The following OIT3 variants were observed in gnomAD, a reference collection of about 807,000 sequenced individuals.
The protein encoded by OIT3 is oncoprotein-induced transcript 3 protein.
OIT3 carries 41 observed loss-of-function variants against 52.2 expected under a neutral mutation model. The ratio of observed to expected loss-of-function variants is 0.79; its 90% CI spans 0.61 to 1.02. The LOEUF is 1.02. OIT3 is among the 50% of genes least tolerant of loss of function. The pLI, the probability that OIT3 is intolerant of heterozygous loss-of-function variation, is 0.00. For missense variants in OIT3, 634 were observed against 715.5 expected (o/e 0.89, Z 1.30); for synonymous variants, 244 against 276.9 (o/e 0.88, Z 1.18).
Position 72,911,947 on chromosome 10 carries a change from A to C in OIT3, c.790+108A>C, listed in dbSNP as rs1051864812. ...TGTGTCAGGGTTCTCATCTTTTAGA[A>C]CAATGGCTCTTCGAGCAGTGTGTAT... On this transcript the variant is annotated intron_variant, in intron 5 of 8. Coordinates refer to ENST00000334011, the MANE Select transcript of OIT3 (RefSeq NM_152635.3). 5.0e-5 allele frequency: 47 copies of C among 942,474 alleles called. No individual in the cohort carries two copies. In the East Asian group the frequency reaches 1.2e-3, roughly 24 times the overall value. 58.4% of individuals were successfully genotyped at this position (942,474 alleles called of 1,614,324 possible). A position where few individuals can be genotyped will look rare whatever the true frequency, so the allele number is the denominator to read the frequency against.
At chr10:72,917,869 A>T in intron 6 of OIT3, 1 of 1,296,294 alleles carries the variant, frequency 7.7e-7, no homozygotes, top group Non-Finnish European at 1.1e-6. Context: ...CTTGGTGTTG[A>T]TGATGGTTTT....
At chr10:72,927,967 AT>A (rs376143705) in intron 7 of OIT3, among the ~76,000 whole-genome samples, 18 of 152,226 alleles carry the variant, frequency 1.2e-4, no homozygotes, top group African/African-American at 3.9e-4. Context: ...GTCATTAAAT[AT>A]TTGCCAAGTA....
At chr10:72,911,687 T>C (rs769514370) in intron 4 of OIT3, 30 bp from the exon 5 acceptor site, 1 of 1,607,080 alleles carries the variant, frequency 6.2e-7, no homozygotes, top group Admixed American at 1.7e-5. Flanking sequence ...GTTACGAGAT[T>C]ATTCCCTTTT....
intron 6 of OIT3, chr10:72,918,038 A>G: frequency 1.2e-6 from 1 of 838,898 alleles, no homozygotes; most frequent in African/African-American, 1.7e-5. Context: ...CATCATCATC[A>G]TCATCATCAT....
In OIT3 at chr10:72,930,575, C is replaced by A. The variant is rs774140373; in HGVS notation, c.1405C>A (p.Arg469=). 1 of 1,613,776 alleles carries A rather than the reference C, an allele frequency of 6.2e-7. No homozygotes were observed. Residue 469 remains arginine (R), a synonymous_variant, in exon 8 of 9, where the codon CGG becomes AGG. Transcript: ENST00000334011. ...TGACTCGGTAAAGCAGTACACATCC[C>A]GGGATCACCTAGCAAAGCACTTCCA... ...SDDSVKQYTS[R]DHLAKHFQVP...
chr10:72,920,671 T>C (rs913272988), intron 6 of OIT3, among the ~76,000 whole-genome samples: 1 of 152,194 alleles, frequency 6.6e-6, no homozygotes, highest in Non-Finnish European at 1.5e-5. Context: ...TGTTTTCTGC[T>C]TAATTTCATT....
At chr10:72,916,579 G>A (rs1194284397) in intron 6 of OIT3, among the ~76,000 whole-genome samples, 1 of 152,160 alleles carries the variant, frequency 6.6e-6, no homozygotes, top group East Asian at 1.9e-4. Context: ...TATCATTGAT[G>A]GCATTTAGGT....
chr10:72,898,881 C>T lies in OIT3; in HGVS notation c.279C>T (p.Pro93=). 6.2e-7 allele frequency: 1 copy of T among 1,614,196 alleles called. No individual in the cohort carries two copies. Residue 93 remains proline, a synonymous_variant, in exon 2 of 9, where the codon CCC becomes CCT. Transcript: ENST00000334011. The stretch of plus-strand genomic sequence containing the variant: ...CTGTCTGGCTCAATGGCAGCCACCC[C>T]CTAGAAGGCGACGGCATTGTGCAAC... ...HAPVWLNGSH[P]LEGDGIVQRQ...
intron 7 of OIT3, among the ~76,000 whole-genome samples, chr10:72,930,262 C>CCAA (rs1391775833): frequency 6.6e-6 from 1 of 152,196 alleles, no homozygotes; most frequent in Non-Finnish European, 1.5e-5. Context: ...GTTGCTGTTG[C>CCAA]CAACACTTAA....
At chr10:72,904,592 T>G (rs1168212651) in intron 3 of OIT3, among the ~76,000 whole-genome samples, 1 of 152,234 alleles carries the variant, frequency 6.6e-6, no homozygotes, top group Non-Finnish European at 1.5e-5. Context: ...GCCTTGTCTT[T>G]TTACACACTT....
chr10:72,930,575 C>T lies in OIT3; in HGVS notation c.1405C>T (p.Arg469Trp), dbSNP rs774140373. ...SDDSVKQYTS[R>W]DHLAKHFQVP... Reference sequence around the variant, plus strand: ...TGACTCGGTAAAGCAGTACACATCCCGGGATCACCTAGCAAAGCACTTCCA... The same window carrying T: ...TGACTCGGTAAAGCAGTACACATCCTGGGATCACCTAGCAAAGCACTTCCA... Residue 469 changes from arginine (R) to tryptophan (W), a missense_variant, in exon 8 of 9, where the codon CGG (arginine) becomes TGG (tryptophan). Arg to Trp is a moderately radical substitution (Grantham distance 101, BLOSUM62 -3). Coordinates refer to ENST00000334011, the MANE Select transcript of OIT3 (RefSeq NM_152635.3). 10 of 1,613,776 alleles carry T rather than the reference C, an allele frequency of 6.2e-6. No individual in the cohort carries two copies. The highest frequency in any genetic ancestry group is 3.3e-5 in the Admixed American group (2 of 59,988).
At chr10:72,910,306 AT>A (rs1365978861) in intron 4 of OIT3, among the ~76,000 whole-genome samples, 3 of 152,196 alleles carry the variant, frequency 2.0e-5, no homozygotes, top group African/African-American at 7.2e-5. Flanking sequence ...AGTATTATAT[AT>A]AATCTTCAGC....
At position 72,924,581 on chromosome 10, in the gene OIT3, G is replaced by T; in HGVS notation, c.1304G>T (p.Ser435Ile). The T allele has an allele frequency of 1.9e-6, 3 of 1,614,060 alleles. No homozygotes were observed. Among genetic ancestry groups the T allele is most frequent in the Non-Finnish European group, 2.5e-6 (3 of 1,179,976 alleles). ...AGCGGCTTGGAAAGCTTGGTGGAGA[G>T]CTGCTTTGCCACCCCCACCTCCAAG... ...HVSGLESLVE[S>I]CFATPTSKID... The change falls in exon 7 of 9, where the codon AGC (serine) becomes ATC (isoleucine). Residue 435 changes from serine (S) to isoleucine (I), a missense_variant. Physicochemically the swap from Ser to Ile is moderately radical, Grantham distance 142. Transcript: ENST00000334011.
intron 7 of OIT3, among the ~76,000 whole-genome samples, chr10:72,927,512 G>A (rs1334633380): frequency 6.6e-6 from 1 of 152,134 alleles, no homozygotes; most frequent in African/African-American, 2.4e-5. Context: ...ACATACAGAA[G>A]AGAAAAAATA....
At chr10:72,894,511 GAGTAGCTC>G (rs1845856607) in intron 1 of OIT3, among the ~76,000 whole-genome samples, 1 of 152,174 alleles carries the variant, frequency 6.6e-6, no homozygotes, top group South Asian at 2.1e-4. Flanking sequence ...TGACACTTTT[GAGTAGCTC>G]AGTATCTAAT....
At chr10:72,915,423 T>G (rs1846064310) in intron 6 of OIT3, among the ~76,000 whole-genome samples, 1 of 152,172 alleles carries the variant, frequency 6.6e-6, no homozygotes, top group South Asian at 2.1e-4. Context: ...TAAGTATTGC[T>G]CCTAGGGGAA....
chr10:72,930,404 A>T, intron 7 of OIT3, 134 bp from the exon 8 acceptor site: 2 of 693,924 alleles, frequency 2.9e-6, no homozygotes, highest in Non-Finnish European at 5.2e-6. Context: ...TTTTTCTTTC[A>T]TTCCCAAAAA....
At chr10:72,904,291 C>G (rs1026375311) in intron 3 of OIT3, among the ~76,000 whole-genome samples, 1 of 152,150 alleles carries the variant, frequency 6.6e-6, no homozygotes, top group Admixed American at 6.5e-5. Context: ...CTTGCCGGAG[C>G]TCCCGGCCGA....
intron 2 of OIT3, 92 bp from the exon 3 acceptor site, chr10:72,900,285 C>G: frequency 5.7e-6 from 3 of 530,072 alleles, no homozygotes; most frequent in Non-Finnish European, 9.9e-6. Flanking sequence ...AGGGATACCA[C>G]CCCCCCCGAC....
Sources: gnomAD v4.1 joint callset for allele counts (sites outside exome capture counted in the v4.1 genomes callset) on GRCh38, gnomAD v4.1.1 for gene constraint, MANE v1.5 for transcripts, NCBI Gene and HGNC (gene_info 2026-07-23, HGNC 2026-07-21) for gene names.